Variants in DLGAP1 observed in about 807,000 individuals in gnomAD.
The protein encoded by DLGAP1 is disks large-associated protein 1.
DLGAP1 carries 11 observed loss-of-function variants against 90.8 expected under a neutral mutation model. The observed-to-expected ratio is 0.12, with a 90% CI of 0.08 to 0.20. The LOEUF is 0.20. Ranked by LOEUF, DLGAP1 falls within the 10% of genes least tolerant of loss-of-function variation. The pLI, the probability that DLGAP1 is intolerant of heterozygous loss-of-function variation, is 1.00. For missense variants in DLGAP1, 1,050 were observed against 1,333.8 expected, an observed-to-expected ratio of 0.79 and a Z score of 3.31; for synonymous variants, 558 against 540.7, an observed-to-expected ratio of 1.03 and a Z score of -0.44.
intron 9 of DLGAP1, among the ~76,000 whole-genome samples, chr18:3,557,490 C>A (rs2053826191): frequency 6.6e-6 from 1 of 152,092 alleles, no homozygotes. Flanking sequence ...CCACTGCACT[C>A]CAGCCTGGGT....
At chr18:3,779,592 T>C (rs920875699) in intron 5 of DLGAP1, among the ~76,000 whole-genome samples, 1 of 152,072 alleles carries the variant, frequency 6.6e-6, no homozygotes, top group African/African-American at 2.4e-5. Context: ...TGCTGCCCCA[T>C]TGTTTTGATC....
chr18:3,693,638 G>A (rs1229335432), intron 7 of DLGAP1, among the ~76,000 whole-genome samples: 1 of 152,144 alleles, frequency 6.6e-6, no homozygotes, highest in Non-Finnish European at 1.5e-5. Flanking sequence ...AGTGCAATTT[G>A]GCATATAATT....
intron 5 of DLGAP1, among the ~76,000 whole-genome samples, chr18:3,751,504 C>T (rs2063492507): frequency 6.6e-6 from 1 of 151,320 alleles, no homozygotes; most frequent in African/African-American, 2.4e-5. Flanking sequence ...TGTTATGTTG[C>T]CCTGGCTGGT....
chr18:3,583,887 G>A (rs1484016669), intron 7 of DLGAP1, among the ~76,000 whole-genome samples: 2 of 152,194 alleles, frequency 1.3e-5, no homozygotes, highest in Admixed American at 6.5e-5. Context: ...GGAGGAGGTT[G>A]CAGTGAGCTG....
chr18:4,347,884 G>A (rs1342899868), intron 1 of DLGAP1, among the ~76,000 whole-genome samples: 1 of 149,366 alleles, frequency 6.7e-6, no homozygotes, highest in Non-Finnish European at 1.5e-5. Context: ...ACTTATAGAT[G>A]ATATGATACC....
chr18:3,662,066 A>T (rs375747235), intron 7 of DLGAP1, among the ~76,000 whole-genome samples: 2 of 152,022 alleles, frequency 1.3e-5, no homozygotes, highest in Admixed American at 1.3e-4. Flanking sequence ...GAAAACTTCT[A>T]GGCAGAATGC....
chr18:3,536,709 G>C (rs1366362059), intron 9 of DLGAP1, among the ~76,000 whole-genome samples: 1 of 152,162 alleles, frequency 6.6e-6, no homozygotes, highest in Admixed American at 6.5e-5. Flanking sequence ...TTCTAGCGAG[G>C]TGATGAAAGA....
At chr18:4,413,419 C>A (rs1292381369) in intron 1 of DLGAP1, among the ~76,000 whole-genome samples, 1 of 152,170 alleles carries the variant, frequency 6.6e-6, no homozygotes, top group Admixed American at 6.5e-5. Flanking sequence ...TCATTTGTGC[C>A]ATGAAGCTCC....
intron 1 of DLGAP1, among the ~76,000 whole-genome samples, chr18:4,364,159 A>G (rs1171953654): frequency 6.6e-6 from 1 of 150,844 alleles, no homozygotes; most frequent in Non-Finnish European, 1.5e-5. Flanking sequence ...CGCAAGGACA[A>G]AAAACCAAAC....
intron 4 of DLGAP1, among the ~76,000 whole-genome samples, chr18:3,852,636 A>C (rs1308728070): frequency 6.6e-6 from 1 of 152,186 alleles, no homozygotes; most frequent in African/African-American, 2.4e-5. Context: ...TTGGCTACAT[A>C]TATATACCCT....
chr18:4,368,900 G>C (rs1034844812), intron 1 of DLGAP1, among the ~76,000 whole-genome samples: 27 of 152,152 alleles, frequency 1.8e-4, no homozygotes, highest in African/African-American at 5.6e-4. Context: ...CAGGAGAGTA[G>C]AGCAAGCAAT....
intron 7 of DLGAP1, among the ~76,000 whole-genome samples, chr18:3,699,247 C>G (rs1479533602): frequency 2.0e-5 from 3 of 152,132 alleles, no homozygotes; most frequent in Admixed American, 6.6e-5. Context: ...AATTTTCAGC[C>G]TTTTTGCACT....
intron 2 of DLGAP1, among the ~76,000 whole-genome samples, chr18:4,052,474 A>C (rs1280938911): frequency 6.6e-6 from 1 of 152,044 alleles, no homozygotes; most frequent in African/African-American, 2.4e-5. Context: ...CCATGGCTGG[A>C]GTGGCTGGGA....
intron 1 of DLGAP1, among the ~76,000 whole-genome samples, chr18:4,241,912 A>G (rs1956728374): frequency 6.6e-6 from 1 of 152,214 alleles, no homozygotes. Context: ...TAAAAATTGT[A>G]TATATTTATC....
rs565947079 is a variant in DLGAP1 at position 4,185,515 on chromosome 18, T to A, written c.-266-34228A>T. On this transcript the variant is annotated intron_variant, in intron 1 of 12. Transcript: ENST00000315677. ...CTTATAAGTGAGAACATGAGGTATT[T>A]CATTTTCTGATCCTGTGTTAGTTTG... is the stretch of plus-strand genomic sequence containing the variant. 2.6e-5 allele frequency among the ~76,000 whole-genome samples: 4 copies of A among 152,298 alleles called. No homozygotes were observed. In the South Asian group the frequency reaches 8.3e-4, roughly 32 times the overall value.
At chr18:4,247,072 T>C (rs2078667238) in intron 1 of DLGAP1, among the ~76,000 whole-genome samples, 1 of 151,896 alleles carries the variant, frequency 6.6e-6, no homozygotes, top group Non-Finnish European at 1.5e-5. Context: ...GTAGTTGTAA[T>C]AGGACAAGGA....
chr18:4,440,120 C>CAAAAAAA (rs35152199), intron 1 of DLGAP1, among the ~76,000 whole-genome samples: 11 of 49,338 alleles, frequency 2.2e-4, no homozygotes, highest in East Asian at 1.3e-3. Flanking sequence ...ACTCCGTCAC[C>CAAAAAAA]AAAAAAAAAA....
chr18:3,630,878 C>A (rs1176338332), intron 7 of DLGAP1, among the ~76,000 whole-genome samples: 1 of 152,168 alleles, frequency 6.6e-6, no homozygotes, highest in Non-Finnish European at 1.5e-5. Context: ...ACAACAACAA[C>A]AAAATTCAGG....
At chr18:4,080,218 A>G (rs2075585943) in intron 2 of DLGAP1, among the ~76,000 whole-genome samples, 1 of 152,188 alleles carries the variant, frequency 6.6e-6, no homozygotes, top group African/African-American at 2.4e-5. Context: ...GGGAACCATG[A>G]TTTAATGTTA....
Sources: allele counts gnomAD v4.1 joint callset (sites outside exome capture counted in the v4.1 genomes callset), GRCh38; gene constraint gnomAD v4.1.1; transcripts MANE v1.5; gene names NCBI Gene and HGNC (gene_info 2026-07-23, HGNC 2026-07-21).